The following STAU2 variants were observed in gnomAD, a reference collection of about 807,000 sequenced individuals.
STAU2 encodes staufen double-stranded RNA binding protein 2, also known as double-stranded RNA-binding protein Staufen homolog 2.
STAU2 carries 20 observed loss-of-function variants against 65.9 expected under a neutral mutation model. The observed-to-expected ratio is 0.30, with a 90% CI of 0.21 to 0.44. The LOEUF (loss-of-function observed/expected upper bound fraction) is 0.44. Among genes scored for constraint, STAU2 ranks in the 20% least tolerant of loss-of-function variants. The probability of loss-of-function intolerance (pLI) is 1.00; values close to 1 mark genes in which losing one functional copy is unlikely to be tolerated. For missense variants in STAU2, 558 were observed against 683.9 expected, an observed-to-expected ratio of 0.82 and a Z score of 2.05; for synonymous variants, 232 against 233.9, an observed-to-expected ratio of 0.99 and a Z score of 0.07.
chr8:73,659,956 T>G (rs1816703989), intron 6 of STAU2, among the ~76,000 whole-genome samples: 2 of 152,184 alleles, frequency 1.3e-5, no homozygotes, highest in Non-Finnish European at 1.5e-5. Flanking sequence ...GCCACTTTGT[T>G]TATATTCACT....
At chr8:73,522,634 T>C (rs4424244) in intron 13 of STAU2, among the ~76,000 whole-genome samples, 51,672 of 152,102 alleles carry the variant, frequency 0.34, 9,102 homozygotes, top group African/African-American at 0.41. Flanking sequence ...ATCTGAAAAT[T>C]TAAGCTATGT....
At chr8:73,702,716 A>G (rs1459678361) in intron 4 of STAU2, among the ~76,000 whole-genome samples, 2 of 152,172 alleles carry the variant, frequency 1.3e-5, no homozygotes, top group African/African-American at 4.8e-5. Flanking sequence ...AACAAACCCA[A>G]TAAAAAATAA....
intron 12 of STAU2, among the ~76,000 whole-genome samples, chr8:73,576,392 C>T (rs1809559022): frequency 6.6e-6 from 1 of 151,524 alleles, no homozygotes; most frequent in Admixed American, 6.6e-5. Context: ...CCATACGACG[C>T]TATTTTTCTA....
chr8:73,687,171 A>G (rs1225957578), intron 5 of STAU2, among the ~76,000 whole-genome samples: 2 of 142,418 alleles, frequency 1.4e-5, no homozygotes, highest in Admixed American at 7.2e-5. Context: ...ATAATTATGT[A>G]TAATTATATA....
intron 6 of STAU2, among the ~76,000 whole-genome samples, chr8:73,656,529 T>C (rs181017551): frequency 1.7e-4 from 26 of 152,384 alleles, no homozygotes; most frequent in African/African-American, 6.3e-4. Flanking sequence ...ATCAAATGAT[T>C]ATGAATTATA....
chr8:73,560,628 C>G (rs1808152550), intron 12 of STAU2, among the ~76,000 whole-genome samples: 1 of 152,040 alleles, frequency 6.6e-6, no homozygotes, highest in Admixed American at 6.6e-5. Context: ...GAACACAGTA[C>G]CAACGGGAAA....
chr8:73,684,642 TTAAA>T (rs1234758051), intron 5 of STAU2, among the ~76,000 whole-genome samples: 3 of 151,994 alleles, frequency 2.0e-5, no homozygotes, highest in African/African-American at 4.8e-5. Flanking sequence ...TTCTGCACAG[TTAAA>T]TAAATAATCA....
At chr8:73,584,977 C>T (rs1300259515) in intron 11 of STAU2, among the ~76,000 whole-genome samples, 1 of 152,162 alleles carries the variant, frequency 6.6e-6, no homozygotes, top group Non-Finnish European at 1.5e-5. Context: ...TTCATACCTC[C>T]AAAACATAGC....
chr8:73,515,771 CTCTTTT>C (rs1465478347), intron 13 of STAU2, among the ~76,000 whole-genome samples: 4 of 95,378 alleles, frequency 4.2e-5, no homozygotes, highest in Admixed American at 1.5e-4. Context: ...GAAAAAATTT[CTCTTTT>C]TTTTTTTTTT....
intron 4 of STAU2, among the ~76,000 whole-genome samples, chr8:73,707,986 G>A (rs1011194130): frequency 3.3e-5 from 5 of 152,138 alleles, no homozygotes; most frequent in Non-Finnish European, 7.4e-5. Context: ...AACATAAAGC[G>A]TTCTGAGAAA....
At chr8:73,555,037 T>C (rs1807627108) in intron 12 of STAU2, among the ~76,000 whole-genome samples, 1 of 152,188 alleles carries the variant, frequency 6.6e-6, no homozygotes, top group Non-Finnish European at 1.5e-5. Flanking sequence ...CACCAACCAA[T>C]ACTGTCCTGA....
chr8:73,481,686 G>C (rs1361267486), intron 13 of STAU2, among the ~76,000 whole-genome samples: 1 of 152,016 alleles, frequency 6.6e-6, no homozygotes, highest in Non-Finnish European at 1.5e-5. Flanking sequence ...GTTTTAAATA[G>C]GATTGTATTT....
At chr8:73,648,342 G>A (rs28420312) in intron 6 of STAU2, among the ~76,000 whole-genome samples, 42,214 of 152,032 alleles carry the variant, frequency 0.28, 6,375 homozygotes, top group East Asian at 0.46. Context: ...AAATTATTTT[G>A]TAAAATGGGT....
intron 8 of STAU2, 144 bp from the exon 9 acceptor site, chr8:73,614,100 T>C (rs1195750989): frequency 5.1e-6 from 3 of 586,876 alleles, no homozygotes; most frequent in Non-Finnish European, 8.7e-6. Flanking sequence ...ATGAAGGTAT[T>C]ATACTGGGAC....
chr8:73,450,315 T>C (rs992002588), intron 13 of STAU2, among the ~76,000 whole-genome samples: 7 of 152,120 alleles, frequency 4.6e-5, no homozygotes, highest in Non-Finnish European at 7.3e-5. Context: ...CTTAGGAAAA[T>C]TGCACACATT....
At chr8:73,528,283 A>G (rs1038918892) in intron 13 of STAU2, among the ~76,000 whole-genome samples, 1 of 152,218 alleles carries the variant, frequency 6.6e-6, no homozygotes, top group Admixed American at 6.5e-5. Flanking sequence ...ATATATCACT[A>G]TATCATGTTC....
intron 11 of STAU2, among the ~76,000 whole-genome samples, chr8:73,586,063 A>C (rs990261111): frequency 1.3e-5 from 2 of 152,222 alleles, no homozygotes; most frequent in Non-Finnish European, 2.9e-5. Context: ...TTCCTTTATA[A>C]ATTACCCAAT....
At chr8:73,676,507 G>T (rs543177845) in intron 5 of STAU2, among the ~76,000 whole-genome samples, 17 of 152,162 alleles carry the variant, frequency 1.1e-4, no homozygotes, top group African/African-American at 2.9e-4. Context: ...AGAGACACAG[G>T]TGTATTAAAT....
At chr8:73,632,379 T>C (rs2130039413) in intron 6 of STAU2, among the ~76,000 whole-genome samples, 1 of 152,128 alleles carries the variant, frequency 6.6e-6, no homozygotes, top group East Asian at 1.9e-4. Context: ...GTATATAAGG[T>C]TCCTTAAGTA....
Sources: gnomAD v4.1 joint callset for allele counts (sites outside exome capture counted in the v4.1 genomes callset) on GRCh38, gnomAD v4.1.1 for gene constraint, MANE v1.5 for transcripts, NCBI Gene and HGNC (gene_info 2026-07-23, HGNC 2026-07-21) for gene names.